ARID2: variants seen among roughly 807,000 people sequenced by gnomAD.
The protein encoded by ARID2 is AT-rich interaction domain 2.
A neutral mutation model predicts 184.6 loss-of-function variants in ARID2; 32 were observed. The observed-to-expected ratio is 0.17, with a 90% CI of 0.13 to 0.23. The LOEUF (loss-of-function observed/expected upper bound fraction) is 0.23, where lower values mean the gene tolerates loss of function less well. Among genes scored for constraint, ARID2 ranks in the 10% least tolerant of loss-of-function variants. ARID2 has a pLI of 1.00. For synonymous variants in ARID2, 836 were observed against 772.6 expected (o/e 1.08, Z -1.36); for missense variants, 1,696 against 2,197.6 (o/e 0.77, Z 4.56).
intron 11 of ARID2, among the ~76,000 whole-genome samples, chr12:45,846,582 T>G (rs1943445216): frequency 6.6e-6 from 1 of 152,086 alleles, no homozygotes; most frequent in South Asian, 2.1e-4. Flanking sequence ...ATAACAGAGG[T>G]TATATTAACT....
chr12:45,759,183 T>A (rs1228444179), intron 3 of ARID2, among the ~76,000 whole-genome samples: 1 of 152,202 alleles, frequency 6.6e-6, no homozygotes, highest in African/African-American at 2.4e-5. Flanking sequence ...TATATTGTAT[T>A]CTAGTTCTCT....
At chr12:45,849,092 T>C (rs761186319) in intron 13 of ARID2, 122 bp downstream of exon 13, 14 of 1,155,028 alleles carry the variant, frequency 1.2e-5, no homozygotes, top group Middle Eastern at 6.1e-4. Context: ...AAGTTTCGTA[T>C]GGATAGGTTA....
At chr12:45,738,475 C>T (rs1462406407) in intron 3 of ARID2, among the ~76,000 whole-genome samples, 7 of 151,938 alleles carry the variant, frequency 4.6e-5, no homozygotes, top group East Asian at 3.9e-4. Context: ...CCACCATACC[C>T]GGCTAATTTT....
rs2136462939 is a variant in ARID2, at chr12:45,893,650, A to T, written c.5292A>T (p.Ile1764=). 6.2e-7 allele frequency: 1 copy of T among 1,606,290 alleles called. No homozygotes were observed. The highest frequency in any genetic ancestry group is 2.2e-5 in the East Asian group (1 of 44,800). The change falls in exon 20 of 21, where the codon ATA becomes ATT. Residue 1764 remains isoleucine, a synonymous_variant. Coordinates refer to ENST00000334344, the MANE Select transcript of ARID2 (RefSeq NM_152641.4). ...RDFTDEKEGP[I]TKHIRLTAAL... Reference sequence around the variant, plus strand: ...TTAAGGATGAAAAAGAGGGACCAATAACTAAACACATCCGACTAACAGCTG... The same window carrying T: ...TTAAGGATGAAAAAGAGGGACCAATTACTAAACACATCCGACTAACAGCTG...
rs777746288 is a variant in ARID2, at chr12:45,849,018, C to T, written c.1715+48C>T. ...TAAAGTCCATTTACGTCACTTACAA[C>T]ATCTCTTGCTCTTTAAAGAAAATAC... is the stretch of plus-strand genomic sequence containing the variant. On this transcript the variant is annotated intron_variant, in intron 13 of 20. Transcript: ENST00000334344. The T allele has an allele frequency of 3.2e-6, 5 of 1,571,926 alleles. No individual in the cohort carries two copies. In the East Asian group the frequency reaches 9.0e-5, roughly 28 times the overall value.
At chr12:45,754,716 A>G (rs1941533293) in intron 3 of ARID2, among the ~76,000 whole-genome samples, 1 of 152,200 alleles carries the variant, frequency 6.6e-6, no homozygotes, top group Admixed American at 6.5e-5. Flanking sequence ...CTACTATAAC[A>G]ACTTTTTTAT....
chr12:45,814,588 T>C lies in ARID2; in HGVS notation c.418+3037T>C, dbSNP rs186815534. Among the ~76,000 whole-genome samples the C allele has an allele frequency of 2.3e-3, 348 of 152,102 alleles. 3 individuals carry two copies. The highest frequency in any genetic ancestry group is 7.6e-3 in the African/African-American group (317 of 41,484). ...TTGCTTGAACCCAGGAGGCGGAGGT[T>C]ATAGTGAGCCGAAATCCACAGCACT... On this transcript the variant is annotated intron_variant, in intron 4 of 20. Transcript: ENST00000334344.
intron 3 of ARID2, among the ~76,000 whole-genome samples, chr12:45,756,846 C>T (rs530702673): frequency 2.0e-5 from 3 of 152,140 alleles, no homozygotes; most frequent in Non-Finnish European, 4.4e-5. Flanking sequence ...CTGCAGTAAG[C>T]TGGCATAGTG....
intron 10 of ARID2, 128 bp from the exon 11 acceptor site, chr12:45,839,201 G>A (rs1943285166): frequency 1.1e-6 from 1 of 934,216 alleles, no homozygotes; most frequent in African/African-American, 1.7e-5. Flanking sequence ...AGGTAATTCT[G>A]ATGTACTGTG....
At chr12:45,778,859 A>T (rs1222604640) in intron 3 of ARID2, among the ~76,000 whole-genome samples, 1 of 152,024 alleles carries the variant, frequency 6.6e-6, no homozygotes, top group Non-Finnish European at 1.5e-5. Context: ...TATCTGGAAG[A>T]AACTGTAAAT....
chr12:45,803,932 A>G (rs892628876), intron 3 of ARID2, among the ~76,000 whole-genome samples: 1 of 152,208 alleles, frequency 6.6e-6, no homozygotes, highest in Non-Finnish European at 1.5e-5. Context: ...AAGCTAACAA[A>G]TGAGTGACGG....
At chr12:45,739,160 G>T (rs1267742369) in intron 3 of ARID2, among the ~76,000 whole-genome samples, 5 of 151,878 alleles carry the variant, frequency 3.3e-5, no homozygotes, top group Non-Finnish European at 7.4e-5. Flanking sequence ...TGCTTTTTTA[G>T]TAGAAATGGG....
At chr12:45,788,950 C>T (rs1419209371) in intron 3 of ARID2, among the ~76,000 whole-genome samples, 3 of 152,088 alleles carry the variant, frequency 2.0e-5, no homozygotes, top group South Asian at 2.1e-4. Flanking sequence ...GAGTAATGCA[C>T]GTCAAAATAG....
chr12:45,740,537 T>C (rs1941231641), intron 3 of ARID2, among the ~76,000 whole-genome samples: 1 of 152,182 alleles, frequency 6.6e-6, no homozygotes, highest in African/African-American at 2.4e-5. Flanking sequence ...TGGATATTAT[T>C]ACAGTATAAT....
intron 4 of ARID2, among the ~76,000 whole-genome samples, chr12:45,813,795 A>G (rs1942756638): frequency 6.6e-6 from 1 of 152,138 alleles, no homozygotes; most frequent in South Asian, 2.1e-4. Context: ...GCAAAAAAAA[A>G]TATTGTGGGT....
At chr12:45,752,702 A>C (rs1941487139) in intron 3 of ARID2, among the ~76,000 whole-genome samples, 1 of 152,226 alleles carries the variant, frequency 6.6e-6, no homozygotes, top group South Asian at 2.1e-4. Context: ...TTGTAGAGGC[A>C]GGATCTCGCT....
chr12:45,746,862 G>C (rs962688035), intron 3 of ARID2, among the ~76,000 whole-genome samples: 1 of 152,164 alleles, frequency 6.6e-6, no homozygotes, highest in Non-Finnish European at 1.5e-5. Flanking sequence ...CGCCTTCCGG[G>C]TTCACGCCAT....
intron 3 of ARID2, among the ~76,000 whole-genome samples, chr12:45,781,093 T>C (rs1326841220): frequency 1.3e-5 from 2 of 151,992 alleles, no homozygotes; most frequent in African/African-American, 4.8e-5. Flanking sequence ...ACTACTTATT[T>C]ATGGCTGCAT....
intron 16 of ARID2, chr12:45,881,336 A>G (rs1203880026): frequency 1.2e-5 from 2 of 168,218 alleles, no homozygotes; most frequent in African/African-American, 2.4e-5. Flanking sequence ...CCCCTTGTCC[A>G]TGTTGCCTTT....
Sources: gnomAD v4.1 joint callset for allele counts (sites outside exome capture counted in the v4.1 genomes callset) on GRCh38, gnomAD v4.1.1 for gene constraint, MANE v1.5 for transcripts, NCBI Gene and HGNC (gene_info 2026-07-23, HGNC 2026-07-21) for gene names.